Variants in ANO5 observed in about 807,000 individuals in gnomAD.
The protein encoded by ANO5 is anoctamin 5.
A neutral mutation model predicts 121.0 loss-of-function variants in ANO5; 109 were observed. The ratio of observed to expected loss-of-function variants is 0.90; its 90% CI spans 0.77 to 1.06. The LOEUF is 1.06. Among genes scored for constraint, ANO5 ranks in the 50% least tolerant of loss-of-function variants. The probability of loss-of-function intolerance (pLI) is 0.00; values close to 1 mark genes in which losing one functional copy is unlikely to be tolerated. For synonymous variants in ANO5, 406 were observed against 359.9 expected, an observed-to-expected ratio of 1.13 and a Z score of -1.45; for missense variants, 1,064 against 1,078.5, an observed-to-expected ratio of 0.99 and a Z score of 0.19.
intron 9 of ANO5, among the ~76,000 whole-genome samples, chr11:22,248,723 G>C (rs1476877543): frequency 6.6e-6 from 1 of 151,880 alleles, no homozygotes; most frequent in Admixed American, 6.6e-5. Flanking sequence ...AATAAGACTT[G>C]TGACAATTGA....
At chr11:22,216,510 C>T (rs910009388) in intron 3 of ANO5, among the ~76,000 whole-genome samples, 15 of 151,630 alleles carry the variant, frequency 9.9e-5, no homozygotes, top group African/African-American at 3.4e-4. Flanking sequence ...ATGAACTGTT[C>T]AAATCTTTTC....
intron 12 of ANO5, among the ~76,000 whole-genome samples, chr11:22,252,899 C>T (rs1193711666): frequency 6.6e-6 from 1 of 152,100 alleles, no homozygotes; most frequent in Non-Finnish European, 1.5e-5. Context: ...TAAATATGCA[C>T]ATACATGGTC....
chr11:22,226,629 G>A (rs1852842184), intron 6 of ANO5, among the ~76,000 whole-genome samples: 1 of 152,214 alleles, frequency 6.6e-6, no homozygotes, highest in East Asian at 1.9e-4. Flanking sequence ...AGAGGCCAAA[G>A]CAGGAGGATT....
At chr11:22,265,684 ATTG>A (rs1412956595) in intron 17 of ANO5, among the ~76,000 whole-genome samples, 1 of 152,142 alleles carries the variant, frequency 6.6e-6, no homozygotes, top group Non-Finnish European at 1.5e-5. Flanking sequence ...ATATAGATTT[ATTG>A]TTATTATAAT....
intron 3 of ANO5, among the ~76,000 whole-genome samples, chr11:22,212,930 A>G (rs1852327925): frequency 6.6e-6 from 1 of 151,354 alleles, no homozygotes; most frequent in Non-Finnish European, 1.5e-5. Context: ...AAATACATAT[A>G]ATTTAATTTT....
At chr11:22,198,935 G>A (rs4485117) in intron 1 of ANO5, among the ~76,000 whole-genome samples, 125,646 of 152,112 alleles carry the variant, frequency 0.83, 52,404 homozygotes, top group African/African-American at 0.93. Context: ...TTTGAGCTAT[G>A]TGTTTAGGCA....
intron 17 of ANO5, among the ~76,000 whole-genome samples, chr11:22,269,468 AAAAAAGAAAAGAAAGGAAAG>A (rs1259980487): frequency 5.4e-5 from 5 of 92,850 alleles, no homozygotes; most frequent in African/African-American, 2.2e-4. Context: ...AAGGAAGGAG[AAAAAAGAAAAGAAAGGAAAG>A]AAAAAAGAAA....
intron 3 of ANO5, among the ~76,000 whole-genome samples, chr11:22,211,879 G>A (rs1056182637): frequency 6.6e-6 from 1 of 151,918 alleles, no homozygotes; most frequent in South Asian, 2.1e-4. Flanking sequence ...TTTTAGCAAG[G>A]ATGATAGTTT....
chr11:22,274,446 TTATAATAGTATTTAATCATTTTGCATCTA>T, intron 19 of ANO5, 94 bp from the exon 20 acceptor site: 1 of 907,990 alleles, frequency 1.1e-6, no homozygotes, highest in Non-Finnish European at 1.6e-6. Context: ...TTACTATGAT[TTATAATAGTATTTAATCATTTTGCATCTA>T]TATAATTTAT....
chr11:22,279,890 T>C lies in ANO5; in HGVS notation c.*125T>C. 1 of 846,910 alleles carries C rather than the reference T, an allele frequency of 1.2e-6. No homozygotes were observed. The highest frequency in any genetic ancestry group is 1.8e-6 in the Non-Finnish European group (1 of 553,732). 52.5% of individuals were successfully genotyped at this position (846,910 alleles called of 1,614,324 possible). A position where few individuals can be genotyped will look rare whatever the true frequency, so the allele number is the denominator to read the frequency against. On this transcript the variant is annotated 3_prime_UTR_variant, in exon 22 of 22. Transcript: ENST00000324559. Reference sequence around the variant, plus strand: ...TTTTTTTTTTTTTTCTTTTTTTTTTTAAACTCAAAGTTTTTATACACTTTT... The same window carrying C: ...TTTTTTTTTTTTTTCTTTTTTTTTTCAAACTCAAAGTTTTTATACACTTTT...
intron 17 of ANO5, among the ~76,000 whole-genome samples, chr11:22,267,041 A>T (rs942409836): frequency 6.6e-6 from 1 of 152,168 alleles, no homozygotes; most frequent in African/African-American, 2.4e-5. Context: ...ATTTTTAAAG[A>T]ATTGTTTAAG....
At chr11:22,202,046 G>A (rs1564909035) in intron 1 of ANO5, among the ~76,000 whole-genome samples, 1 of 151,972 alleles carries the variant, frequency 6.6e-6, no homozygotes, top group Non-Finnish European at 1.5e-5. Flanking sequence ...AGGTTGGAGA[G>A]GTTGGTTGGT....
chr11:22,212,658 A>G (rs1852317907), intron 3 of ANO5, among the ~76,000 whole-genome samples: 1 of 151,868 alleles, frequency 6.6e-6, no homozygotes, highest in South Asian at 2.1e-4. Context: ...GATAATGGCT[A>G]TTGGGAGGTA....
In ANO5 at chr11:22,248,832, T is replaced by C. The variant is rs148342549; in HGVS notation, c.879-1405T>C. 1.8e-3 allele frequency among the ~76,000 whole-genome samples: 281 copies of C among 152,118 alleles called. 2 individuals are homozygous for C. Among genetic ancestry groups the C allele is most frequent in the Middle Eastern group, 0.014 (4 of 292 alleles). On this transcript the variant is annotated intron_variant, in intron 9 of 21. Coordinates refer to ENST00000324559, the MANE Select transcript of ANO5 (RefSeq NM_213599.3). ...TTTTAAGTTAAGTCTATAGCAATAATGTTGATATTATATTTCTAATAACAT... is the reference window on the plus strand; with the variant it reads ...TTTTAAGTTAAGTCTATAGCAATAACGTTGATATTATATTTCTAATAACAT...
At chr11:22,262,053 T>C (rs1854203877) in intron 15 of ANO5, 76 bp from the exon 16 acceptor site, 2 of 1,416,374 alleles carry the variant, frequency 1.4e-6, no homozygotes, top group Non-Finnish European at 2.0e-6. Flanking sequence ...GACTAGATGT[T>C]CACTTGTCCT....
intron 3 of ANO5, among the ~76,000 whole-genome samples, chr11:22,212,327 C>T (rs1208454500): frequency 6.6e-6 from 1 of 151,830 alleles, no homozygotes; most frequent in African/African-American, 2.4e-5. Flanking sequence ...AGAAATCTTT[C>T]TTCTTTGTCC....
chr11:22,204,101 G>A (rs983890403), intron 2 of ANO5, among the ~76,000 whole-genome samples: 29 of 152,106 alleles, frequency 1.9e-4, no homozygotes, highest in African/African-American at 6.3e-4. Context: ...ACTCAGATAT[G>A]CTGATCATTG....
intron 9 of ANO5, among the ~76,000 whole-genome samples, chr11:22,249,160 AAGAC>A (rs1254925832): frequency 1.3e-5 from 2 of 152,056 alleles, no homozygotes; most frequent in African/African-American, 2.4e-5. Context: ...AGAATGAAAA[AAGAC>A]AGGATAAACA....
At chr11:22,202,228 G>A (rs762494170) in intron 1 of ANO5, among the ~76,000 whole-genome samples, 3 of 151,906 alleles carry the variant, frequency 2.0e-5, no homozygotes, top group Non-Finnish European at 2.9e-5. Flanking sequence ...TTCACATACA[G>A]CCTCGTTTTA....
Sources: gnomAD v4.1 joint callset for allele counts (sites outside exome capture counted in the v4.1 genomes callset) on GRCh38, gnomAD v4.1.1 for gene constraint, MANE v1.5 for transcripts, NCBI Gene and HGNC (gene_info 2026-07-23, HGNC 2026-07-21) for gene names.